Variants in ANGPT1 observed in about 807,000 individuals in gnomAD.
The protein encoded by ANGPT1 is angiopoietin-1.
ANGPT1 carries 17 observed loss-of-function variants against 62.2 expected under a neutral mutation model. That is an observed-to-expected ratio of 0.27 (90% confidence interval 0.19 to 0.41). The LOEUF (loss-of-function observed/expected upper bound fraction) is 0.41, where lower values mean the gene tolerates loss of function less well. Among genes scored for constraint, ANGPT1 ranks in the 10% least tolerant of loss-of-function variants. The probability of loss-of-function intolerance (pLI) is 1.00; values close to 1 mark genes in which losing one functional copy is unlikely to be tolerated. For synonymous variants in ANGPT1, 199 were observed against 198.9 expected (o/e 1.00, Z 0.00); for missense variants, 478 against 594.9 (o/e 0.80, Z 2.04).
intron 1 of ANGPT1, among the ~76,000 whole-genome samples, chr8:107,367,154 T>C (rs1175886240): frequency 6.6e-6 from 1 of 152,208 alleles, no homozygotes; most frequent in Non-Finnish European, 1.5e-5. Context: ...GGAGACATTA[T>C]GGGTTTGGTT....
At chr8:107,345,854 C>A (rs1353773355) in intron 2 of ANGPT1, among the ~76,000 whole-genome samples, 1 of 152,008 alleles carries the variant, frequency 6.6e-6, no homozygotes, top group African/African-American at 2.4e-5. Context: ...AATCACTGCC[C>A]CAATGTAATC....
At chr8:107,359,107 AG>A (rs1338833163) in intron 1 of ANGPT1, among the ~76,000 whole-genome samples, 5 of 152,126 alleles carry the variant, frequency 3.3e-5, no homozygotes, top group Non-Finnish European at 5.9e-5. Flanking sequence ...TTTGAGACTT[AG>A]ATATATTAAC....
At chr8:107,303,830 T>C (rs1011090593) in intron 4 of ANGPT1, among the ~76,000 whole-genome samples, 2 of 151,770 alleles carry the variant, frequency 1.3e-5, no homozygotes, top group African/African-American at 4.8e-5. Flanking sequence ...AAATGCAATA[T>C]GGAAGTTTAA....
chr8:107,286,233 T>C (rs1206475126), intron 6 of ANGPT1, among the ~76,000 whole-genome samples: 2 of 152,154 alleles, frequency 1.3e-5, no homozygotes, highest in African/African-American at 2.4e-5. Flanking sequence ...AGTTCAGTTA[T>C]TGCAATATTT....
chr8:107,277,562 G>C (rs1813894702), intron 7 of ANGPT1, among the ~76,000 whole-genome samples: 1 of 152,082 alleles, frequency 6.6e-6, no homozygotes, highest in South Asian at 2.1e-4. Flanking sequence ...ATGATCCTTT[G>C]TAAGAATTTT....
intron 1 of ANGPT1, among the ~76,000 whole-genome samples, chr8:107,422,041 A>T (rs575189483): frequency 6.6e-6 from 1 of 152,298 alleles, no homozygotes; most frequent in Non-Finnish European, 1.5e-5. Flanking sequence ...TATAGAGAGT[A>T]AGAAAGCCCA....
chr8:107,369,705 A>C (rs964665952), intron 1 of ANGPT1, among the ~76,000 whole-genome samples: 1 of 152,162 alleles, frequency 6.6e-6, no homozygotes, highest in African/African-American at 2.4e-5. Context: ...GAGAATAGGG[A>C]GGCCCATTGA....
intron 1 of ANGPT1, among the ~76,000 whole-genome samples, chr8:107,366,716 C>T (rs1164407473): frequency 6.6e-6 from 1 of 152,120 alleles, no homozygotes; most frequent in Non-Finnish European, 1.5e-5. Context: ...GATGGTCCAG[C>T]GATCCCTACC....
chr8:107,304,995 C>T (rs1487493549), intron 4 of ANGPT1, among the ~76,000 whole-genome samples: 1 of 151,830 alleles, frequency 6.6e-6, no homozygotes, highest in Admixed American at 6.6e-5. Context: ...TACTCAAAAG[C>T]CATCTTTAAT....
chr8:107,354,436 A>C (rs1400569600), intron 1 of ANGPT1, among the ~76,000 whole-genome samples: 1 of 152,162 alleles, frequency 6.6e-6, no homozygotes, highest in Non-Finnish European at 1.5e-5. Context: ...TAAGTTCTTC[A>C]TCTATGAAAT....
At chr8:107,381,366 C>T (rs1394512267) in intron 1 of ANGPT1, among the ~76,000 whole-genome samples, 5 of 152,182 alleles carry the variant, frequency 3.3e-5, no homozygotes, top group Non-Finnish European at 5.9e-5. Flanking sequence ...TAGTGACAGG[C>T]AGCTATGACA....
intron 2 of ANGPT1, among the ~76,000 whole-genome samples, chr8:107,341,302 A>C (rs1260374771): frequency 6.6e-6 from 1 of 152,204 alleles, no homozygotes; most frequent in Admixed American, 6.5e-5. Context: ...GGGTAAACTA[A>C]AGGTCATAAT....
At chr8:107,275,199 A>C (rs1813835113) in intron 7 of ANGPT1, among the ~76,000 whole-genome samples, 1 of 152,120 alleles carries the variant, frequency 6.6e-6, no homozygotes, top group Admixed American at 6.6e-5. Context: ...TTGATGTGAG[A>C]AAAGGCCGTA....
intron 4 of ANGPT1, among the ~76,000 whole-genome samples, chr8:107,312,051 G>A (rs1814881365): frequency 1.5e-5 from 2 of 136,114 alleles, no homozygotes; most frequent in African/African-American, 5.6e-5. Context: ...GCGACAGAGC[G>A]AGACTCCGTT....
At chr8:107,423,408 C>T (rs1810945203) in intron 1 of ANGPT1, among the ~76,000 whole-genome samples, 1 of 152,120 alleles carries the variant, frequency 6.6e-6, no homozygotes, top group Non-Finnish European at 1.5e-5. Flanking sequence ...CAGGATTATG[C>T]CCCTTCCACA....
chr8:107,381,201 T>C (rs1816630339), intron 1 of ANGPT1, among the ~76,000 whole-genome samples: 1 of 152,218 alleles, frequency 6.6e-6, no homozygotes, highest in South Asian at 2.1e-4. Context: ...TTTTTTATCA[T>C]GCTCATTTCA....
At chr8:107,309,186 C>A (rs996782415) in intron 4 of ANGPT1, among the ~76,000 whole-genome samples, 1 of 152,162 alleles carries the variant, frequency 6.6e-6, no homozygotes, top group African/African-American at 2.4e-5. Flanking sequence ...TCATTTTAAA[C>A]CTTAAATATG....
chr8:107,325,755 T>C (rs1394405947), intron 3 of ANGPT1, among the ~76,000 whole-genome samples: 1 of 152,190 alleles, frequency 6.6e-6, no homozygotes, highest in Non-Finnish European at 1.5e-5. Context: ...TAATACTTTT[T>C]TTTTAAATTT....
At chr8:107,383,932 A>C (rs750625534) in intron 1 of ANGPT1, among the ~76,000 whole-genome samples, 26 of 152,134 alleles carry the variant, frequency 1.7e-4, no homozygotes, top group Non-Finnish European at 2.5e-4. Flanking sequence ...AATCTAATGA[A>C]ATTTTCAGAA....
Sources: gnomAD v4.1 joint callset for allele counts (sites outside exome capture counted in the v4.1 genomes callset) on GRCh38, gnomAD v4.1.1 for gene constraint, MANE v1.5 for transcripts, NCBI Gene and HGNC (gene_info 2026-07-23, HGNC 2026-07-21) for gene names.